The following MLLT3 variants were observed in gnomAD, a reference collection of about 807,000 sequenced individuals.
The protein encoded by MLLT3 is MLLT3 super elongation complex subunit.
MLLT3 carries 4 observed loss-of-function variants against 53.2 expected under a neutral mutation model. The ratio of observed to expected loss-of-function variants is 0.08; its 90% CI spans 0.04 to 0.17. The LOEUF (loss-of-function observed/expected upper bound fraction) is 0.17, where lower values mean the gene tolerates loss of function less well. MLLT3 is among the 10% of genes least tolerant of loss of function. The probability of loss-of-function intolerance (pLI) is 1.00; values close to 1 mark genes in which losing one functional copy is unlikely to be tolerated. For missense variants in MLLT3, 569 were observed against 684.0 expected (o/e 0.83, Z 1.87); for synonymous variants, 283 against 230.6 (o/e 1.23, Z -2.06).
intron 2 of MLLT3, among the ~76,000 whole-genome samples, chr9:20,563,407 T>A (rs1819269203): frequency 6.6e-6 from 1 of 152,140 alleles, no homozygotes; most frequent in Non-Finnish European, 1.5e-5. Flanking sequence ...AGGGGTGTCA[T>A]ATATTTGACA....
At chr9:20,407,582 C>T (rs910026491) in intron 5 of MLLT3, among the ~76,000 whole-genome samples, 1 of 152,152 alleles carries the variant, frequency 6.6e-6, no homozygotes, top group Non-Finnish European at 1.5e-5. Context: ...TCATGTAGCA[C>T]ACCTCTACAA....
At chr9:20,536,072 C>G (rs548029240) in intron 2 of MLLT3, among the ~76,000 whole-genome samples, 1 of 151,998 alleles carries the variant, frequency 6.6e-6, no homozygotes, top group African/African-American at 2.4e-5. Context: ...TGTAGTCAAG[C>G]AGGCAAAGAG....
chr9:20,359,006 G>A (rs571529895), intron 8 of MLLT3, among the ~76,000 whole-genome samples: 13 of 151,904 alleles, frequency 8.6e-5, no homozygotes, highest in East Asian at 5.8e-4. Context: ...TTAGCTGGGC[G>A]TGGTGGCATG....
At chr9:20,363,434 T>C in intron 7 of MLLT3, 42 bp downstream of exon 7, 3 of 1,609,696 alleles carry the variant, frequency 1.9e-6, no homozygotes, top group Non-Finnish European at 2.5e-6. Flanking sequence ...TGAAAGAGTC[T>C]GACTTCATCA....
At chr9:20,592,306 T>C (rs1820149670) in intron 2 of MLLT3, among the ~76,000 whole-genome samples, 1 of 152,224 alleles carries the variant, frequency 6.6e-6, no homozygotes, top group African/African-American at 2.4e-5. Context: ...AAAGTGGGTT[T>C]AAACAACCCA....
chr9:20,556,542 C>G (rs1218019073), intron 2 of MLLT3, among the ~76,000 whole-genome samples: 3 of 151,874 alleles, frequency 2.0e-5, no homozygotes, highest in Admixed American at 1.3e-4. Flanking sequence ...AATTAGCCAG[C>G]CGTGGTGGCG....
chr9:20,397,705 T>C (rs149442539), intron 5 of MLLT3, among the ~76,000 whole-genome samples: 404 of 152,256 alleles, frequency 2.7e-3, no homozygotes, highest in African/African-American at 8.9e-3. Flanking sequence ...AAACAGAAGG[T>C]TGTGATAACA....
At chr9:20,520,045 C>T (rs1404038938) in intron 2 of MLLT3, among the ~76,000 whole-genome samples, 3 of 152,102 alleles carry the variant, frequency 2.0e-5, no homozygotes, top group South Asian at 2.1e-4. Flanking sequence ...ATGTCCTTTG[C>T]AGGGACATGG....
At chr9:20,470,227 G>T (rs146556902) in intron 2 of MLLT3, among the ~76,000 whole-genome samples, 1 of 151,888 alleles carries the variant, frequency 6.6e-6, no homozygotes, top group African/African-American at 2.4e-5. Context: ...CTAGGAAAAT[G>T]TGGAAAGTAT....
At chr9:20,404,622 A>C (rs1822535110) in intron 5 of MLLT3, among the ~76,000 whole-genome samples, 1 of 152,162 alleles carries the variant, frequency 6.6e-6, no homozygotes, top group African/African-American at 2.4e-5. Flanking sequence ...CTTCTGCCTC[A>C]GCGTCTCAAG....
In MLLT3 at chr9:20,621,594, A is replaced by G. The variant is rs1418775362; in HGVS notation, c.12+651T>C. On this transcript the variant is annotated intron_variant, in intron 1 of 10. Coordinates refer to ENST00000380338, the MANE Select transcript of MLLT3 (RefSeq NM_004529.4). The surrounding 1 kb of genome is among the most constrained non-coding windows in gnomAD (Gnocchi z 7.0). ...CACTTTCAAGAGCCCAAGTGGCTCC[A>G]AAGTATCTCCCACCTCCCCCCAAAA... Among the ~76,000 whole-genome samples the G allele has an allele frequency of 6.6e-6, 1 of 151,150 alleles. No individual in the cohort carries two copies. The highest frequency in any genetic ancestry group is 2.0e-4 in the East Asian group (1 of 5,122).
intron 5 of MLLT3, among the ~76,000 whole-genome samples, chr9:20,394,175 C>A (rs1185081462): frequency 2.0e-5 from 3 of 152,080 alleles, no homozygotes; most frequent in Non-Finnish European, 2.9e-5. Context: ...CAGGCTGAGA[C>A]ACCAAACACA....
intron 2 of MLLT3, among the ~76,000 whole-genome samples, chr9:20,591,371 A>G (rs1820126063): frequency 6.6e-6 from 1 of 152,172 alleles, no homozygotes; most frequent in Admixed American, 6.5e-5. Context: ...AGTGTGGAGG[A>G]AGCATTTTTA....
Position 20,583,109 on chromosome 9 carries a change from T to C in MLLT3, c.193+37545A>G, listed in dbSNP as rs372061882. The stretch of plus-strand genomic sequence containing the variant: ...CCTAGATACAATGGGAGTACAGACA[T>C]TGGGTAAATACAACCATTCCAAATG... On this transcript the variant is annotated intron_variant, in intron 2 of 10. Coordinates refer to ENST00000380338, the MANE Select transcript of MLLT3 (RefSeq NM_004529.4). Among the ~76,000 whole-genome samples the C allele has an allele frequency of 7.0e-4, 106 of 152,242 alleles. 1 individual carries two copies. In the South Asian group the frequency reaches 0.021, roughly 30 times the overall value.
At chr9:20,467,279 T>C (rs1370246683) in intron 2 of MLLT3, among the ~76,000 whole-genome samples, 1 of 152,124 alleles carries the variant, frequency 6.6e-6, no homozygotes, top group East Asian at 1.9e-4. Flanking sequence ...CATGCCCTGC[T>C]TAAGATTTTA....
chr9:20,517,667 T>C (rs937391458), intron 2 of MLLT3, among the ~76,000 whole-genome samples: 3 of 151,888 alleles, frequency 2.0e-5, no homozygotes, highest in Non-Finnish European at 4.4e-5. Context: ...TGAAACCTCA[T>C]CTCTACTAAA....
At chr9:20,547,580 G>A (rs1469342284) in intron 2 of MLLT3, among the ~76,000 whole-genome samples, 1 of 147,884 alleles carries the variant, frequency 6.8e-6, no homozygotes, top group African/African-American at 2.5e-5. Flanking sequence ...GGAGGCGGAG[G>A]TTGCAGTGAG....
chr9:20,383,073 A>G (rs144760366), intron 5 of MLLT3, among the ~76,000 whole-genome samples: 2,035 of 151,974 alleles, frequency 0.013, 51 homozygotes, highest in African/African-American at 0.046. Flanking sequence ...TTTGAGCTTC[A>G]GTAACATTTT....
intron 2 of MLLT3, among the ~76,000 whole-genome samples, chr9:20,540,384 GCCTGGACATCCAGGCATT>G (rs1305907385): frequency 6.6e-6 from 1 of 152,200 alleles, no homozygotes; most frequent in Non-Finnish European, 1.5e-5. Context: ...GCAGACTTCT[GCCTGGACATCCAGGCATT>G]TCCACACATC....
Sources: allele counts gnomAD v4.1 joint callset (sites outside exome capture counted in the v4.1 genomes callset), GRCh38; gene constraint gnomAD v4.1.1; non-coding constraint Gnocchi (gnomAD v3.1); transcripts MANE v1.5; gene names NCBI Gene and HGNC (gene_info 2026-07-23, HGNC 2026-07-21).